The following GPM6A variants were observed in gnomAD, a reference collection of about 807,000 sequenced individuals.
The protein encoded by GPM6A is neuronal membrane glycoprotein M6-a.
GPM6A carries 7 observed loss-of-function variants against 32.1 expected under a neutral mutation model. The observed-to-expected ratio is 0.22, with a 90% CI of 0.12 to 0.41. GPM6A has a LOEUF of 0.41. Among genes scored for constraint, GPM6A ranks in the 10% least tolerant of loss-of-function variants. The probability of loss-of-function intolerance (pLI) is 1.00; values close to 1 mark genes in which losing one functional copy is unlikely to be tolerated. For missense variants in GPM6A, 235 were observed against 347.2 expected, an observed-to-expected ratio of 0.68 and a Z score of 2.57; for synonymous variants, 130 against 123.4, an observed-to-expected ratio of 1.05 and a Z score of -0.35.
At chr4:175,887,378 GA>G (rs1560980325) in intron 1 of GPM6A, among the ~76,000 whole-genome samples, 1 of 151,820 alleles carries the variant, frequency 6.6e-6, no homozygotes, top group African/African-American at 2.4e-5. Flanking sequence ...GAACTTCAGT[GA>G]AAAAAATTAT....
intron 1 of GPM6A, among the ~76,000 whole-genome samples, chr4:175,835,072 C>A (rs1185394871): frequency 6.6e-6 from 1 of 152,172 alleles, no homozygotes; most frequent in Non-Finnish European, 1.5e-5. Flanking sequence ...TGCTGCCGAA[C>A]TTTACCAGAT....
intron 6 of GPM6A, among the ~76,000 whole-genome samples, chr4:175,637,222 AATATAAAAT>A (rs1326146301): frequency 2.8e-5 from 2 of 71,870 alleles, no homozygotes; most frequent in African/African-American, 1.1e-4. Flanking sequence ...TATCATATAT[AATATAAAAT>A]ATATATTATA....
intron 1 of GPM6A, among the ~76,000 whole-genome samples, chr4:175,956,011 C>A (rs1739974557): frequency 6.6e-6 from 1 of 152,118 alleles, no homozygotes; most frequent in African/African-American, 2.4e-5. Flanking sequence ...CACCAGAGAC[C>A]CAGTTGTAAA....
intron 2 of GPM6A, among the ~76,000 whole-genome samples, chr4:175,687,404 A>C (rs548082607): frequency 2.6e-4 from 39 of 152,092 alleles, no homozygotes; most frequent in African/African-American, 9.4e-4. Context: ...TAGATAGTTC[A>C]TATAAATAAA....
At chr4:175,977,223 T>C (rs927623234) in intron 1 of GPM6A, among the ~76,000 whole-genome samples, 1 of 152,234 alleles carries the variant, frequency 6.6e-6, no homozygotes, top group Non-Finnish European at 1.5e-5. Flanking sequence ...TGATTTTTTA[T>C]GTCCTAATAA....
At chr4:175,701,171 T>A (rs1003050054) in intron 2 of GPM6A, among the ~76,000 whole-genome samples, 2 of 152,186 alleles carry the variant, frequency 1.3e-5, no homozygotes, top group African/African-American at 2.4e-5. Flanking sequence ...AGTTTATTTC[T>A]TTTAAAGGTG....
At chr4:175,915,901 C>A (rs2111516985) in intron 1 of GPM6A, among the ~76,000 whole-genome samples, 1 of 152,172 alleles carries the variant, frequency 6.6e-6, no homozygotes, top group South Asian at 2.1e-4. Context: ...GCCATGTGGA[C>A]CTTACATTTG....
At chr4:175,644,364 G>A (rs1013208005) in intron 4 of GPM6A, among the ~76,000 whole-genome samples, 17 of 151,868 alleles carry the variant, frequency 1.1e-4, no homozygotes, top group Admixed American at 1.1e-3. Flanking sequence ...TGAGGTTGCT[G>A]CAGGCCCATA....
chr4:175,851,199 A>C (rs1736242946), intron 1 of GPM6A, among the ~76,000 whole-genome samples: 1 of 152,244 alleles, frequency 6.6e-6, no homozygotes, highest in Admixed American at 6.5e-5. Flanking sequence ...TCTACTAAAA[A>C]TACAAAAATT....
chr4:175,795,419 C>T (rs925895225), intron 1 of GPM6A, among the ~76,000 whole-genome samples: 10 of 152,212 alleles, frequency 6.6e-5, no homozygotes, highest in Non-Finnish European at 1.3e-4. Context: ...TAGAATATGG[C>T]AGAAGCAAGG....
At chr4:175,761,922 G>C (rs968289391) in intron 1 of GPM6A, among the ~76,000 whole-genome samples, 1 of 152,006 alleles carries the variant, frequency 6.6e-6, no homozygotes, top group East Asian at 1.9e-4. Flanking sequence ...AGCCTTCCAA[G>C]TAGTTACGAT....
At chr4:175,987,383 T>G (rs1243139772) in intron 1 of GPM6A, among the ~76,000 whole-genome samples, 1 of 152,152 alleles carries the variant, frequency 6.6e-6, no homozygotes, top group Non-Finnish European at 1.5e-5. Context: ...CTACAGTGTG[T>G]ATTGGTTTAG....
chr4:175,725,487 C>A (rs1746358897), intron 1 of GPM6A, among the ~76,000 whole-genome samples: 1 of 151,870 alleles, frequency 6.6e-6, no homozygotes. Flanking sequence ...GAGATGAGGT[C>A]TCACAATATT....
chr4:175,757,032 T>G (rs1235040206), intron 1 of GPM6A, among the ~76,000 whole-genome samples: 1 of 152,050 alleles, frequency 6.6e-6, no homozygotes, highest in Non-Finnish European at 1.5e-5. Flanking sequence ...CCACGATGAC[T>G]CCCAGGGATG....
intron 1 of GPM6A, among the ~76,000 whole-genome samples, chr4:175,992,091 C>CACACAG (rs1561026199): frequency 6.6e-5 from 10 of 151,554 alleles, no homozygotes; most frequent in African/African-American, 2.4e-4. Flanking sequence ...CACACACACA[C>CACACAG]AGAGATGTAA....
chr4:175,679,706 G>A (rs80169547), intron 2 of GPM6A, among the ~76,000 whole-genome samples: 17 of 152,110 alleles, frequency 1.1e-4, no homozygotes, highest in African/African-American at 3.4e-4. Context: ...TTGTCTATTT[G>A]TTAGTGACAC....
chr4:175,777,971 T>C (rs1028760521), intron 1 of GPM6A, among the ~76,000 whole-genome samples: 1 of 152,234 alleles, frequency 6.6e-6, no homozygotes, highest in African/African-American at 2.4e-5. Context: ...TTGCTATTCA[T>C]AGAGCAGAAA....
At chr4:175,886,644 AAG>A (rs1316443759) in intron 1 of GPM6A, among the ~76,000 whole-genome samples, 1 of 152,020 alleles carries the variant, frequency 6.6e-6, no homozygotes, top group African/African-American at 2.4e-5. Flanking sequence ...AAAAGACAAA[AAG>A]AGAGTTAAAA....
At chr4:175,805,493 A>G (rs1190875502) in intron 1 of GPM6A, among the ~76,000 whole-genome samples, 2 of 152,226 alleles carry the variant, frequency 1.3e-5, no homozygotes, top group African/African-American at 2.4e-5. Context: ...AGACAATATG[A>G]ACAATCTCTT....
Sources: gnomAD v4.1 joint callset for allele counts (sites outside exome capture counted in the v4.1 genomes callset) on GRCh38, gnomAD v4.1.1 for gene constraint, MANE v1.5 for transcripts, NCBI Gene and HGNC (gene_info 2026-07-23, HGNC 2026-07-21) for gene names.